TTC7A: variants seen among roughly 807,000 people sequenced by gnomAD.
TTC7A encodes the protein tetratricopeptide repeat protein 7A.
In TTC7A, 110 loss-of-function variants were observed where a neutral mutation model predicts 103.7. The observed-to-expected ratio is 1.06, with a 90% confidence interval of 0.91 to 1.24. The LOEUF (loss-of-function observed/expected upper bound fraction) is 1.24. Among genes scored for constraint, TTC7A ranks in the 50% most tolerant of loss-of-function variants. The pLI is 0.00. For synonymous variants in TTC7A, 521 were observed against 467.9 expected (o/e 1.11, Z -1.47); for missense variants, 1,340 against 1,116.3 (o/e 1.20, Z -2.86).
chr2:47,066,295 TCA>T (rs1684175040), intron 19 of TTC7A, among the ~76,000 whole-genome samples: 1 of 152,098 alleles, frequency 6.6e-6, no homozygotes, highest in Non-Finnish European at 1.5e-5. Flanking sequence ...GGGTATGGCC[TCA>T]GAGCCTCTCA....
intron 19 of TTC7A, among the ~76,000 whole-genome samples, chr2:47,062,070 A>G (rs568089678): frequency 1.3e-5 from 2 of 152,352 alleles, no homozygotes; most frequent in Non-Finnish European, 1.5e-5. Flanking sequence ...GGCATTGCCA[A>G]AAGGGGGCTG....
At chr2:46,978,734 A>G in intron 4 of TTC7A, 58 bp from the exon 5 acceptor site, 1 of 1,418,326 alleles carries the variant, frequency 7.1e-7, no homozygotes, top group Non-Finnish European at 9.9e-7. Context: ...CCTCTTGCTG[A>G]GTGACCCTCT....
chr2:47,058,573 C>G (rs1683509799), intron 18 of TTC7A, among the ~76,000 whole-genome samples: 1 of 152,226 alleles, frequency 6.6e-6, no homozygotes, highest in South Asian at 2.1e-4. Flanking sequence ...CAGCTGTCAG[C>G]TTTTGCTAGG....
At chr2:47,027,084 TAAGTTTC>T (rs1680002163) in intron 14 of TTC7A, among the ~76,000 whole-genome samples, 1 of 152,154 alleles carries the variant, frequency 6.6e-6, no homozygotes, top group Non-Finnish European at 1.5e-5. Flanking sequence ...CAGCCTGCCG[TAAGTTTC>T]TCTCCCAACC....
chr2:46,990,330 G>A (rs1045438669), intron 5 of TTC7A, among the ~76,000 whole-genome samples: 1 of 152,216 alleles, frequency 6.6e-6, no homozygotes, highest in South Asian at 2.1e-4. Context: ...CTGAGACAGA[G>A]GCCTCAGTGG....
At chr2:47,001,879 A>G (rs1676856003) in intron 8 of TTC7A, among the ~76,000 whole-genome samples, 4 of 143,336 alleles carry the variant, frequency 2.8e-5, no homozygotes, top group Admixed American at 2.1e-4. Context: ...AAAAAAAAAA[A>G]GAGTAATGCA....
intron 2 of TTC7A, among the ~76,000 whole-genome samples, chr2:46,920,673 T>G (rs1025790117): frequency 1.3e-5 from 2 of 151,956 alleles, no homozygotes; most frequent in Admixed American, 6.6e-5. Context: ...ATAGATAAAT[T>G]TATCAAAAAT....
At chr2:46,989,547 A>G (rs958283251) in intron 5 of TTC7A, among the ~76,000 whole-genome samples, 3 of 151,636 alleles carry the variant, frequency 2.0e-5, no homozygotes, top group Admixed American at 1.3e-4. Context: ...GCAGAGGGGC[A>G]TTCTCAGGTC....
intron 5 of TTC7A, 33 bp from the exon 6 acceptor site, chr2:46,993,417 G>T: frequency 6.2e-7 from 1 of 1,610,276 alleles, no homozygotes; most frequent in Non-Finnish European, 8.5e-7. Flanking sequence ...AGCTAGGCTG[G>T]TAACAAATCT....
At position 47,073,734 on chromosome 2, in the gene TTC7A, C is replaced by T. The variant is rs370786690; in HGVS notation, c.2388C>T (p.Ser796=). The change falls in exon 20 of 20, where the codon AGC becomes AGT. Residue 796 remains serine, a synonymous_variant. Coordinates refer to ENST00000319190, the MANE Select transcript of TTC7A (RefSeq NM_020458.4). The part of the protein sequence containing the change: ...GLMLSRLGHK[S]LAQKVLRDAV... ...TGCTGAGTCGGCTGGGCCACAAGAGCTTGGCCCAGAAGGTGCTTCGTGATG... is the reference window on the plus strand; with the variant it reads ...TGCTGAGTCGGCTGGGCCACAAGAGTTTGGCCCAGAAGGTGCTTCGTGATG... The T allele has an allele frequency of 3.7e-5, 60 of 1,613,710 alleles. No individual in the cohort carries two copies. Among genetic ancestry groups the T allele is most frequent in the South Asian group, 6.6e-5 (6 of 91,086 alleles).
At chr2:47,064,153 C>T (rs1684005504) in intron 19 of TTC7A, among the ~76,000 whole-genome samples, 6 of 152,222 alleles carry the variant, frequency 3.9e-5, no homozygotes, top group Admixed American at 3.9e-4. Context: ...CTCTGCTAGG[C>T]AAGAGAACCA....
intron 3 of TTC7A, among the ~76,000 whole-genome samples, chr2:46,968,724 A>G (rs1228165657): frequency 6.6e-6 from 1 of 152,178 alleles, no homozygotes; most frequent in Non-Finnish European, 1.5e-5. Context: ...GCTCCCTTCA[A>G]AAAGGCATTA....
At chr2:47,066,348 AT>A (rs1348158545) in intron 19 of TTC7A, among the ~76,000 whole-genome samples, 1 of 151,996 alleles carries the variant, frequency 6.6e-6, no homozygotes, top group Non-Finnish European at 1.5e-5. Flanking sequence ...CACATCTTAA[AT>A]CCCCAGAAGC....
intron 19 of TTC7A, among the ~76,000 whole-genome samples, chr2:47,063,966 G>T (rs1683988901): frequency 6.6e-6 from 1 of 152,234 alleles, no homozygotes; most frequent in Non-Finnish European, 1.5e-5. Context: ...AGGGGCTGGG[G>T]ACCCCATGTT....
chr2:47,034,696 C>T lies in TTC7A; in HGVS notation c.1802+5312C>T, dbSNP rs573861941. On this transcript the variant is annotated intron_variant, in intron 15 of 19. Coordinates refer to ENST00000319190, the MANE Select transcript of TTC7A (RefSeq NM_020458.4). ...GGCCATACATAGGTCAAGGGAAGAA[C>T]AAACAATTTCCCCTTCCCCTCTCCA... Among the ~76,000 whole-genome samples, 214 of 152,270 alleles carry T rather than the reference C, an allele frequency of 1.4e-3. 1 individual carries two copies. Among genetic ancestry groups the T allele is most frequent in the African/African-American group, 4.9e-3 (204 of 41,552 alleles).
rs571422859 is a variant in TTC7A at position 46,917,247 on chromosome 2, C to A, written c.52C>A (p.Leu18Ile). The change falls in exon 2 of 21, where the codon CTC becomes ATC. Residue 18 changes from leucine (L) to isoleucine (I), a missense_variant. Leu to Ile is a conservative substitution (Grantham distance 5). Transcript: ENST00000409245. The stretch of plus-strand genomic sequence containing the variant: ...TGGGTTCAAGCAATCCTCCCACCAC[C>A]TCCGCCTCCCAAAGTGCTGGGATTA... The A allele has an allele frequency of 4.3e-6, 3 of 700,248 alleles. No homozygotes were observed. The East Asian group carries it at 8.1e-5, about 19-fold the overall frequency. The allele number at this position is 700,248 out of a possible 1,614,324, so 43.4% of individuals were successfully genotyped here. A position where few individuals can be genotyped will look rare whatever the true frequency, so the allele number is the denominator to read the frequency against.
chr2:47,030,713 G>A (rs1044221716), intron 15 of TTC7A, among the ~76,000 whole-genome samples: 2 of 152,146 alleles, frequency 1.3e-5, no homozygotes, highest in African/African-American at 4.8e-5. Flanking sequence ...TGCCCCGCCT[G>A]TTCCCCCTCC....
rs544705457 is a variant in TTC7A, at chr2:47,011,204, C to T, written c.1288-127C>T. The T allele has an allele frequency of 1.5e-5, 12 of 803,302 alleles. No individual in the cohort carries two copies. The African/African-American group carries it at 1.6e-4, about 10-fold the overall frequency. The allele number at this position is 803,302 out of a possible 1,614,324, so 49.8% of individuals were successfully genotyped here. Reference sequence around the variant, plus strand: ...CTGCCTAGGCTTCTCTGCCCTGGACCTCTTCCTGGCTCCTGAGAGCAAAGG... The same window carrying T: ...CTGCCTAGGCTTCTCTGCCCTGGACTTCTTCCTGGCTCCTGAGAGCAAAGG... On this transcript the variant is annotated intron_variant, in intron 10 of 19. Transcript: ENST00000319190.
At chr2:46,975,393 G>C (rs1673777315) in intron 4 of TTC7A, among the ~76,000 whole-genome samples, 1 of 151,916 alleles carries the variant, frequency 6.6e-6, no homozygotes, top group South Asian at 2.1e-4. Flanking sequence ...TCTTTCCCTG[G>C]CAGGGGTGGA....
Sources: allele counts gnomAD v4.1 joint callset (sites outside exome capture counted in the v4.1 genomes callset), GRCh38; gene constraint gnomAD v4.1.1; transcripts MANE v1.5; gene names NCBI Gene and HGNC (gene_info 2026-07-23, HGNC 2026-07-21).